Variants in XPR1 observed in about 807,000 individuals in gnomAD.
The protein encoded by XPR1 is xenotropic and polytropic retrovirus receptor 1.
A neutral mutation model predicts 87.5 loss-of-function variants in XPR1; 28 were observed. The observed-to-expected ratio is 0.32, with a 90% CI of 0.24 to 0.44. The LOEUF (loss-of-function observed/expected upper bound fraction) is 0.44, where lower values mean the gene tolerates loss of function less well. Ranked by LOEUF, XPR1 falls within the 20% of genes least tolerant of loss-of-function variation. The probability of loss-of-function intolerance (pLI) is 1.00; values close to 1 mark genes in which losing one functional copy is unlikely to be tolerated. For synonymous variants in XPR1, 300 were observed against 306.1 expected (o/e 0.98, Z 0.21); for missense variants, 559 against 862.3 (o/e 0.65, Z 4.41).
intron 1 of XPR1, among the ~76,000 whole-genome samples, chr1:180,674,176 T>C (rs1462722997): frequency 6.6e-6 from 1 of 152,232 alleles, no homozygotes; most frequent in African/African-American, 2.4e-5. Context: ...GCCATCACTA[T>C]TCCTGTTTTA....
chr1:180,843,193 T>C (rs1178914987), intron 11 of XPR1, among the ~76,000 whole-genome samples: 1 of 152,168 alleles, frequency 6.6e-6, no homozygotes, highest in African/African-American at 2.4e-5. Context: ...TAGACTGTTA[T>C]GCCAAAATGT....
At chr1:180,821,457 G>A (rs1571868934) in intron 7 of XPR1, among the ~76,000 whole-genome samples, 2 of 152,174 alleles carry the variant, frequency 1.3e-5, no homozygotes, top group South Asian at 4.1e-4. Context: ...CTATAGCTTT[G>A]TAGTAAGTTT....
chr1:180,636,611 A>C (rs1230294269), intron 1 of XPR1, among the ~76,000 whole-genome samples: 1 of 152,228 alleles, frequency 6.6e-6, no homozygotes, highest in Non-Finnish European at 1.5e-5. Context: ...ATGGAAACTT[A>C]GTCCTAGCTT....
intron 1 of XPR1, among the ~76,000 whole-genome samples, chr1:180,659,144 C>A (rs1368260041): frequency 8.9e-6 from 1 of 112,378 alleles, no homozygotes; most frequent in Non-Finnish European, 1.8e-5. Context: ...CCCTCCTTTC[C>A]TTCCTTCTTT....
At chr1:180,845,026 A>G (rs1471454773) in intron 11 of XPR1, among the ~76,000 whole-genome samples, 1 of 152,236 alleles carries the variant, frequency 6.6e-6, no homozygotes, top group Non-Finnish European at 1.5e-5. Flanking sequence ...TGTGATACAG[A>G]AAACAATTTA....
chr1:180,750,854 G>T (rs1238375023), intron 2 of XPR1, among the ~76,000 whole-genome samples: 1 of 151,942 alleles, frequency 6.6e-6, no homozygotes, highest in Non-Finnish European at 1.5e-5. Flanking sequence ...ACATTGTTGA[G>T]TATTCAACAA....
chr1:180,735,414 G>T (rs993870420), intron 2 of XPR1, among the ~76,000 whole-genome samples: 1 of 152,172 alleles, frequency 6.6e-6, no homozygotes, highest in Non-Finnish European at 1.5e-5. Context: ...GGGAAGACAA[G>T]ATTGAGCTTG....
rs2102200070 is a variant in XPR1 at position 180,858,116 on chromosome 1, T to C, written c.1502-5592T>C. Among the ~76,000 whole-genome samples, 5 of 152,294 alleles carry C rather than the reference T, an allele frequency of 3.3e-5. No homozygotes were observed. In the Middle Eastern group the frequency reaches 0.01, roughly 311 times the overall value. On this transcript the variant is annotated intron_variant, in intron 11 of 14. Transcript: ENST00000367590. Reference sequence around the variant, plus strand: ...CTGCAGTCCCAGCTACTCAGGAAGCTGAGGCAGGAGAATCGCTTGAACCAG... The same window carrying C: ...CTGCAGTCCCAGCTACTCAGGAAGCCGAGGCAGGAGAATCGCTTGAACCAG...
At chr1:180,777,739 A>G (rs1477176931) in intron 2 of XPR1, among the ~76,000 whole-genome samples, 1 of 152,234 alleles carries the variant, frequency 6.6e-6, no homozygotes, top group Non-Finnish European at 1.5e-5. Context: ...TCTTAAAAAA[A>G]CACACACCTT....
chr1:180,883,707 C>CAAA (rs35119730), intron 14 of XPR1, among the ~76,000 whole-genome samples: 15 of 133,014 alleles, frequency 1.1e-4, no homozygotes, highest in Middle Eastern at 4.0e-3. Context: ...GACTCTGTCT[C>CAAA]AAAAAAAAAA....
chr1:180,695,443 TGC>T (rs1463954590), intron 2 of XPR1, among the ~76,000 whole-genome samples: 5 of 149,890 alleles, frequency 3.3e-5, no homozygotes, highest in Admixed American at 6.8e-5. Flanking sequence ...TGTGTGTGTA[TGC>T]GCGCGCACGC....
intron 2 of XPR1, among the ~76,000 whole-genome samples, chr1:180,779,277 T>G (rs1266750755): frequency 1.3e-5 from 2 of 152,204 alleles, no homozygotes; most frequent in Non-Finnish European, 1.5e-5. Context: ...TGTTTACTTG[T>G]GTAGATTTCT....
chr1:180,736,654 A>T (rs534484057), intron 2 of XPR1, among the ~76,000 whole-genome samples: 1 of 152,318 alleles, frequency 6.6e-6, no homozygotes, highest in East Asian at 1.9e-4. Flanking sequence ...TTCATTTAAT[A>T]ATGTGTTAAG....
At chr1:180,771,837 A>G (rs1648527909) in intron 2 of XPR1, among the ~76,000 whole-genome samples, 1 of 152,136 alleles carries the variant, frequency 6.6e-6, no homozygotes, top group Non-Finnish European at 1.5e-5. Context: ...TGGTAGTATT[A>G]ACCTTGATTA....
rs575716463 is a variant in XPR1 at position 180,841,486 on chromosome 1, C to T, written c.1501+4770C>T. ...AATAATAGAGTGCACATGAAATCCC[C>T]TTAGACTCTTAACATGCTACGTAAA... is the stretch of plus-strand genomic sequence containing the variant. On this transcript the variant is annotated intron_variant, in intron 11 of 14. Coordinates refer to ENST00000367590, the MANE Select transcript of XPR1 (RefSeq NM_004736.4). Among the ~76,000 whole-genome samples the T allele has an allele frequency of 7.2e-5, 11 of 152,050 alleles. No homozygotes were observed. In the South Asian group the frequency reaches 2.1e-3, roughly 29 times the overall value.
chr1:180,849,267 C>G (rs950792868), intron 11 of XPR1, among the ~76,000 whole-genome samples: 5 of 152,148 alleles, frequency 3.3e-5, no homozygotes, highest in African/African-American at 9.7e-5. Context: ...AGGTGTTATT[C>G]TCATTTTGCT....
At chr1:180,729,290 C>G (rs1033718733) in intron 2 of XPR1, among the ~76,000 whole-genome samples, 1 of 152,124 alleles carries the variant, frequency 6.6e-6, no homozygotes, top group African/African-American at 2.4e-5. Flanking sequence ...GTGAATAGTA[C>G]TGCGATTAAC....
chr1:180,789,809 C>G (rs1649309058), intron 3 of XPR1, among the ~76,000 whole-genome samples: 2 of 152,112 alleles, frequency 1.3e-5, no homozygotes, highest in Non-Finnish European at 2.9e-5. Flanking sequence ...TTGCATCTGC[C>G]TAGTAAAACT....
At chr1:180,670,285 T>C (rs529388981) in intron 1 of XPR1, among the ~76,000 whole-genome samples, 4 of 152,324 alleles carry the variant, frequency 2.6e-5, no homozygotes, top group South Asian at 2.1e-4. Flanking sequence ...CTATATTCTT[T>C]ATAGATTTTT....
Sources: allele counts gnomAD v4.1 joint callset (sites outside exome capture counted in the v4.1 genomes callset), GRCh38; gene constraint gnomAD v4.1.1; transcripts MANE v1.5; gene names NCBI Gene and HGNC (gene_info 2026-07-23, HGNC 2026-07-21).